ERC2: variants seen among roughly 807,000 people sequenced by gnomAD.
The protein encoded by ERC2 is ELKS/RAB6-interacting/CAST family member 2.
A neutral mutation model predicts 114.8 loss-of-function variants in ERC2; 42 were observed. The observed-to-expected ratio is 0.37, with a 90% CI of 0.29 to 0.47. ERC2 has a LOEUF of 0.47. Ranked by LOEUF, ERC2 falls within the 20% of genes least tolerant of loss-of-function variation. The pLI, the probability that ERC2 is intolerant of heterozygous loss-of-function variation, is 0.99. For missense variants in ERC2, 939 were observed against 1,150.7 expected, an observed-to-expected ratio of 0.82 and a Z score of 2.66; for synonymous variants, 454 against 425.5, an observed-to-expected ratio of 1.07 and a Z score of -0.82.
At chr3:55,725,041 C>T (rs1323012774) in intron 15 of ERC2, among the ~76,000 whole-genome samples, 1 of 152,030 alleles carries the variant, frequency 6.6e-6, no homozygotes, top group Non-Finnish European at 1.5e-5. Context: ...AGAGAGAGAG[C>T]ACAGTGAGAG....
chr3:55,865,967 T>C (rs2062292277), intron 14 of ERC2, among the ~76,000 whole-genome samples: 1 of 152,216 alleles, frequency 6.6e-6, no homozygotes, highest in Non-Finnish European at 1.5e-5. Flanking sequence ...TTTGGGTATA[T>C]ATCTAGAAGT....
intron 2 of ERC2, among the ~76,000 whole-genome samples, chr3:56,327,847 C>T (rs145682775): frequency 1.3e-5 from 2 of 152,240 alleles, no homozygotes; most frequent in Non-Finnish European, 2.9e-5. Context: ...CAAGGAGGAA[C>T]CTCAGGTCCA....
chr3:55,670,123 G>GCTT (rs1435268160), intron 17 of ERC2, among the ~76,000 whole-genome samples: 1 of 152,150 alleles, frequency 6.6e-6, no homozygotes, highest in Admixed American at 6.5e-5. Flanking sequence ...GTAAGAAATC[G>GCTT]CTTTCCCCAT....
chr3:55,520,784 A>G (rs1407886802), intron 17 of ERC2, among the ~76,000 whole-genome samples: 2 of 152,200 alleles, frequency 1.3e-5, no homozygotes, highest in African/African-American at 2.4e-5. Flanking sequence ...TCAAATTCCA[A>G]TGAAAATAAA....
intron 3 of ERC2, among the ~76,000 whole-genome samples, chr3:56,249,620 C>G (rs893165823): frequency 9.9e-5 from 15 of 152,026 alleles, no homozygotes; most frequent in Non-Finnish European, 2.2e-4. Flanking sequence ...ACCACCGTGC[C>G]CGGCCTAATT....
At chr3:56,368,216 C>A (rs1435013417) in intron 2 of ERC2, among the ~76,000 whole-genome samples, 1 of 148,678 alleles carries the variant, frequency 6.7e-6, no homozygotes, top group East Asian at 2.0e-4. Context: ...TGTAGACCAG[C>A]TAAGATCGGT....
At chr3:55,719,780 C>A (rs947151908) in intron 15 of ERC2, among the ~76,000 whole-genome samples, 1 of 152,092 alleles carries the variant, frequency 6.6e-6, no homozygotes, top group Non-Finnish European at 1.5e-5. Context: ...AACACACAGG[C>A]TTTTCCTGGA....
intron 7 of ERC2, among the ~76,000 whole-genome samples, chr3:56,024,527 T>C (rs887338311): frequency 3.3e-5 from 5 of 152,206 alleles, no homozygotes; most frequent in Non-Finnish European, 7.3e-5. Context: ...GAGAGGGTCC[T>C]TCAAAATCCC....
intron 17 of ERC2, among the ~76,000 whole-genome samples, chr3:55,585,583 T>C (rs1159449756): frequency 3.9e-5 from 6 of 152,228 alleles, no homozygotes; most frequent in Non-Finnish European, 2.9e-5. Context: ...GTCTTTTGCA[T>C]AGGGTGTGGC....
chr3:56,347,161 A>C (rs916136338), intron 2 of ERC2, among the ~76,000 whole-genome samples: 31 of 152,202 alleles, frequency 2.0e-4, no homozygotes, highest in African/African-American at 4.3e-4. Flanking sequence ...AACTCTGCTA[A>C]ATTATGTTTG....
chr3:56,420,747 A>C (rs2061356224), intron 2 of ERC2, among the ~76,000 whole-genome samples: 1 of 151,106 alleles, frequency 6.6e-6, no homozygotes. Context: ...AAAAAAAATT[A>C]TCTGGGTGTG....
intron 8 of ERC2, among the ~76,000 whole-genome samples, chr3:56,015,826 A>G (rs536134527): frequency 6.6e-6 from 1 of 152,206 alleles, no homozygotes; most frequent in Admixed American, 6.5e-5. Flanking sequence ...TCCCACCAAC[A>G]ATGTAAAAGC....
intron 3 of ERC2, among the ~76,000 whole-genome samples, chr3:56,196,680 A>G (rs1196168478): frequency 1.3e-5 from 2 of 152,206 alleles, no homozygotes; most frequent in Non-Finnish European, 2.9e-5. Context: ...CCCTTGAAAT[A>G]ATAATTGAAC....
At chr3:56,074,684 C>G (rs1178442873) in intron 7 of ERC2, among the ~76,000 whole-genome samples, 1 of 152,076 alleles carries the variant, frequency 6.6e-6, no homozygotes, top group East Asian at 1.9e-4. Flanking sequence ...GTAATAGAAC[C>G]AAGGCTGGAG....
At chr3:55,687,083 T>A (rs183800852) in intron 16 of ERC2, among the ~76,000 whole-genome samples, 2 of 152,298 alleles carry the variant, frequency 1.3e-5, no homozygotes, top group East Asian at 3.9e-4. Flanking sequence ...TAGTCCCAGA[T>A]GCTGCGCCCT....
intron 6 of ERC2, among the ~76,000 whole-genome samples, chr3:56,110,867 A>G (rs912409323): frequency 2.0e-5 from 3 of 152,286 alleles, no homozygotes; most frequent in South Asian, 4.2e-4. Context: ...CTTTGACTGC[A>G]TCTCATGTCT....
At chr3:55,927,318 C>G (rs1185262673) in intron 13 of ERC2, among the ~76,000 whole-genome samples, 2 of 152,190 alleles carry the variant, frequency 1.3e-5, no homozygotes, top group East Asian at 3.9e-4. Context: ...GGTAACTTCT[C>G]AAAATTAAGC....
intron 7 of ERC2, among the ~76,000 whole-genome samples, chr3:56,020,136 A>T (rs528245977): frequency 6.6e-6 from 1 of 152,200 alleles, no homozygotes. Flanking sequence ...CAGCAGTAGC[A>T]GCGTCAAAAA....
intron 7 of ERC2, among the ~76,000 whole-genome samples, chr3:56,060,687 T>C (rs1484389140): frequency 1.3e-5 from 2 of 152,330 alleles, no homozygotes; most frequent in East Asian, 3.9e-4. Flanking sequence ...GCTGGAGATG[T>C]TACAGCCTGA....
Sources: gnomAD v4.1 joint callset for allele counts (sites outside exome capture counted in the v4.1 genomes callset) on GRCh38, gnomAD v4.1.1 for gene constraint, MANE v1.5 for transcripts, NCBI Gene and HGNC (gene_info 2026-07-23, HGNC 2026-07-21) for gene names.